The following RBM34 variants were observed in gnomAD, a reference collection of about 807,000 sequenced individuals.
RBM34 encodes the protein RNA binding motif protein 34, also known as RNA-binding protein 34.
Under a neutral mutation model 44.6 loss-of-function variants are expected in RBM34, and 39 were observed. The observed-to-expected ratio is 0.87, with a 90% confidence interval of 0.68 to 1.14. RBM34 has a LOEUF of 1.14. Ranked by LOEUF, RBM34 falls within the 50% of genes most tolerant of loss-of-function variation. RBM34 has a pLI of 0.00. For synonymous variants in RBM34, 194 were observed against 184.0 expected, an observed-to-expected ratio of 1.05 and a Z score of -0.44; for missense variants, 572 against 517.9, an observed-to-expected ratio of 1.10 and a Z score of -1.01.
In RBM34 at chr1:235,161,094, C is replaced by T. The variant is rs776615518; in HGVS notation, c.54-27G>A. 4.4e-6 allele frequency: 7 copies of T among 1,608,708 alleles called. No homozygotes were observed. The East Asian group carries it at 1.6e-4, about 36-fold the overall frequency. On this transcript the variant is annotated intron_variant, in intron 1 of 10. Transcript: ENST00000408888. ...TAGAAATGGACGACAGAAACTCAGCCACGCCACGCACCACCGCTTCGCCAG... is the reference window on the plus strand; with the variant it reads ...TAGAAATGGACGACAGAAACTCAGCTACGCCACGCACCACCGCTTCGCCAG...
Position 235,158,961 on chromosome 1 carries a change from AC to A in RBM34, c.365+1549del, listed in dbSNP as rs1237286286. On this transcript the variant is annotated intron_variant, in intron 3 of 10. Transcript: ENST00000408888. ...AGCAAGACCCTGTTTCTATTTTTTTACTAAAAAAAAAAAAAAAATGCTGACT... is the reference window on the plus strand; with the variant it reads ...AGCAAGACCCTGTTTCTATTTTTTTATAAAAAAAAAAAAAAAATGCTGACT... 3.6e-3 allele frequency among the ~76,000 whole-genome samples: 513 copies of A among 143,916 alleles called. 6 individuals carry two copies. The highest frequency in any genetic ancestry group is 0.012 in the African/African-American group (429 of 36,226). The allele number at this position is 143,916 out of a possible 152,430, so 94.4% of individuals were successfully genotyped here.
chr1:235,155,866 T>C (rs186175094), intron 3 of RBM34, among the ~76,000 whole-genome samples: 2,209 of 34,268 alleles, frequency 0.064, 155 homozygotes, highest in South Asian at 0.09. Context: ...TATATATATA[T>C]ACATATATAC....
chr1:235,157,912 C>T (rs1662519781), intron 3 of RBM34, among the ~76,000 whole-genome samples: 1 of 152,084 alleles, frequency 6.6e-6, no homozygotes, highest in South Asian at 2.1e-4. Flanking sequence ...CCCACCACCA[C>T]CAGAATCCAA....
At chr1:235,154,423 G>T (rs925998188) in intron 4 of RBM34, among the ~76,000 whole-genome samples, 2 of 151,718 alleles carry the variant, frequency 1.3e-5, no homozygotes, top group Non-Finnish European at 2.9e-5. Context: ...AATTAGCCAG[G>T]CACGGTGGCG....
In RBM34 at chr1:235,137,987, C is replaced by T. The variant is rs561168097; in HGVS notation, c.786-47G>A. 1.1e-4 allele frequency: 177 copies of T among 1,548,154 alleles called. No individual in the cohort carries two copies. In the East Asian group the frequency reaches 3.6e-3, roughly 32 times the overall value. On this transcript the variant is annotated intron_variant, in intron 7 of 10. Coordinates refer to ENST00000408888, the MANE Select transcript of RBM34 (RefSeq NM_015014.4). ...AAAATGGTTGTTAAAAATGAGCACT[C>T]GATTACTAAAACATCTATGCTAAAG...
At chr1:235,138,497 C>T (rs1336620352) in intron 6 of RBM34, among the ~76,000 whole-genome samples, 1 of 152,196 alleles carries the variant, frequency 6.6e-6, no homozygotes, top group Non-Finnish European at 1.5e-5. Flanking sequence ...GTATCTAACA[C>T]ACATATAAAC....
At chr1:235,137,240 G>C (rs767196161) in intron 8 of RBM34, among the ~76,000 whole-genome samples, 2 of 152,200 alleles carry the variant, frequency 1.3e-5, no homozygotes, top group Non-Finnish European at 2.9e-5. Flanking sequence ...TCTTAGAACT[G>C]CATCTCTGAC....
chr1:235,145,814 T>C (rs1490970032), intron 6 of RBM34, among the ~76,000 whole-genome samples: 1 of 152,052 alleles, frequency 6.6e-6, no homozygotes, highest in East Asian at 1.9e-4. Flanking sequence ...AGAGAGCGGG[T>C]CTTGCTTGTC....
chr1:235,155,846 T>TATATATATATATATACATATATAC (rs1662404145), intron 3 of RBM34, among the ~76,000 whole-genome samples: 1 of 28,534 alleles, frequency 3.5e-5, no homozygotes, highest in Non-Finnish European at 6.4e-5. Flanking sequence ...TATATATATA[T>TATATATATATATATACATATATAC]ATATATATAT....
chr1:235,149,184 T>C (rs529339544), intron 5 of RBM34, among the ~76,000 whole-genome samples: 154 of 151,556 alleles, frequency 1.0e-3, no homozygotes, highest in East Asian at 0.01. Flanking sequence ...GTCAGGAGGT[T>C]GAGACCATCC....
chr1:235,156,987 C>T (rs531382844), intron 3 of RBM34, among the ~76,000 whole-genome samples: 1 of 152,310 alleles, frequency 6.6e-6, no homozygotes, highest in East Asian at 1.9e-4. Context: ...AGGACAGGGT[C>T]CATGTCTAGT....
rs79691162 is a variant in RBM34, at chr1:235,143,351, C to T, written c.701+5053G>A. On this transcript the variant is annotated intron_variant, in intron 6 of 10. Coordinates refer to ENST00000408888, the MANE Select transcript of RBM34 (RefSeq NM_015014.4). ...CGTAAGATCTGGCAATCCGACCAGG[C>T]AGTTTCTCAAAAGAAATGATCCGTA... 2.3e-3 allele frequency among the ~76,000 whole-genome samples: 353 copies of T among 152,356 alleles called. 2 individuals are homozygous for T. The highest frequency in any genetic ancestry group is 8.3e-3 in the African/African-American group (345 of 41,584).
chr1:235,137,979 T>C, intron 7 of RBM34, 39 bp from the exon 8 acceptor site: 2 of 1,564,982 alleles, frequency 1.3e-6, no homozygotes, highest in South Asian at 1.1e-5. Flanking sequence ...TTGTTAAAAA[T>C]GAGCACTCGA....
At position 235,131,937 on chromosome 1, in the gene RBM34, GT is replaced by G. The variant is rs775059811; in HGVS notation, c.1068del (p.Lys356AsnfsTer22). The G allele has an allele frequency of 2.2e-5, 36 of 1,612,436 alleles. No homozygotes were observed. Among genetic ancestry groups the G allele is most frequent in the Non-Finnish European group, 3.1e-5 (36 of 1,178,970 alleles). ...TTATTAACAGAACGCATGACTCTGAGTTTTCTCCCCATGAGTTCAGAATTAT... is the reference window on the plus strand; with the variant it reads ...TTATTAACAGAACGCATGACTCTGAGTTTCTCCCCATGAGTTCAGAATTAT... ...KLNNSELMGR[K>X]LRVMRSVNKE... On this transcript the variant is annotated frameshift_variant, in exon 11 of 11. Transcript: ENST00000408888. LOFTEE classifies it high-confidence loss of function.
intron 5 of RBM34, among the ~76,000 whole-genome samples, chr1:235,151,315 GAAGT>G (rs1662148799): frequency 6.6e-6 from 1 of 152,128 alleles, no homozygotes; most frequent in African/African-American, 2.4e-5. Context: ...AGAATGGATG[GAAGT>G]AAGCAGATAT....
chr1:235,158,503 C>A (rs1558150678), intron 3 of RBM34, among the ~76,000 whole-genome samples: 1 of 151,302 alleles, frequency 6.6e-6, no homozygotes, highest in African/African-American at 2.4e-5. Flanking sequence ...CCTAAAAAGG[C>A]AGAACATATG....
At chr1:235,138,487 G>C (rs999688760) in intron 6 of RBM34, among the ~76,000 whole-genome samples, 5 of 152,160 alleles carry the variant, frequency 3.3e-5, no homozygotes, top group Admixed American at 1.3e-4. Flanking sequence ...GCTGCAGTCC[G>C]TATCTAACAC....
chr1:235,148,467 A>G lies in RBM34; in HGVS notation c.658-20T>C. 1 of 1,567,646 alleles carries G rather than the reference A, an allele frequency of 6.4e-7. No homozygotes were observed. Among genetic ancestry groups the G allele is most frequent in the Admixed American group, 1.9e-5 (1 of 53,102 alleles). On this transcript the variant is annotated intron_variant, in intron 5 of 10. Coordinates refer to ENST00000408888, the MANE Select transcript of RBM34 (RefSeq NM_015014.4). Reference sequence around the variant, plus strand: ...TGGAATCTTTCAAGAGAAAAAAAAAAGTATTAAAGACAGTATTTGAAGTAT... The same window carrying G: ...TGGAATCTTTCAAGAGAAAAAAAAAGGTATTAAAGACAGTATTTGAAGTAT...
chr1:235,159,510 T>C (rs1229312952), intron 3 of RBM34, among the ~76,000 whole-genome samples: 3 of 148,306 alleles, frequency 2.0e-5, no homozygotes, highest in Non-Finnish European at 4.4e-5. Flanking sequence ...ATTGCGCCAC[T>C]GCACTCCAGC....
Sources: allele counts gnomAD v4.1 joint callset (sites outside exome capture counted in the v4.1 genomes callset), GRCh38; gene constraint gnomAD v4.1.1; transcripts MANE v1.5; gene names NCBI Gene and HGNC (gene_info 2026-07-23, HGNC 2026-07-21).